The following POLA1 variants were observed in gnomAD, a reference collection of about 807,000 sequenced individuals.
POLA1 encodes the protein DNA polymerase alpha catalytic subunit.
In POLA1, 15 loss-of-function variants were observed where a neutral mutation model predicts 124.0. The observed-to-expected ratio is 0.12, with a 90% CI of 0.08 to 0.19. POLA1 has a LOEUF of 0.19. Ranked by LOEUF, POLA1 falls within the 10% of genes least tolerant of loss-of-function variation. The pLI is 1.00. For synonymous variants in POLA1, 408 were observed against 389.4 expected (o/e 1.05, Z -0.56); for missense variants, 886 against 1,103.4 (o/e 0.80, Z 2.79).
At chrX:24,980,394 A>G (rs906872312) in intron 36 of POLA1, among the ~76,000 whole-genome samples, 17 of 112,085 alleles carry the variant, frequency 1.5e-4, no homozygotes, top group Non-Finnish European at 3.2e-4. Context: ...ACAGAATTAC[A>G]CCCAGGGAAG....
chrX:24,767,887 G>A (rs1395928429), intron 26 of POLA1, among the ~76,000 whole-genome samples: 1 of 111,713 alleles, frequency 9.0e-6, no homozygotes, highest in Non-Finnish European at 1.9e-5. Context: ...GTTAGTATGG[G>A]GTTTTATGTC....
Position 24,788,382 on chromosome X carries a change from A to G in POLA1, c.2965-21516A>G, listed in dbSNP as rs767614451. On this transcript the variant is annotated intron_variant, in intron 26 of 36. Coordinates refer to ENST00000379068, the MANE Select transcript of POLA1 (RefSeq NM_001330360.2). ...AGCTTTTATTTAAATGCCATGATCCAGGATGGATTTTAGATCTTGTTGAAA... is the reference window on the plus strand; with the variant it reads ...AGCTTTTATTTAAATGCCATGATCCGGGATGGATTTTAGATCTTGTTGAAA... 2.7e-5 allele frequency: 32 copies of G among 1,176,854 alleles called. 1 individual carries two copies. In the South Asian group the frequency reaches 6.0e-4, roughly 22 times the overall value.
Position 24,733,783 on chromosome X carries a change from T to G in POLA1, c.1800T>G (p.Phe600Leu). The G allele has an allele frequency of 8.7e-7, 1 of 1,148,403 alleles. No individual in the cohort carries two copies. Among genetic ancestry groups the G allele is most frequent in the Non-Finnish European group, 1.2e-6 (1 of 844,155 alleles). The allele number at this position is 1,148,403 out of a possible 1,213,427, so 94.6% of individuals were successfully genotyped here. Residue 600 changes from phenylalanine (F) to leucine (L), a missense_variant, in exon 17 of 37, where the codon TTT becomes TTG. Around this residue, in one of 7 missense-constraint regions of POLA1, gnomAD observed 337 missense variants for 402.8 expected, o/e 0.84. Coordinates refer to ENST00000379068, the MANE Select transcript of POLA1 (RefSeq NM_001330360.2). ...TGTCTAAACCAAAGGACTGTATTTT[T>G]CCATATGCTTTCAAAGAAGTCATTG... is the stretch of plus-strand genomic sequence containing the variant. ...CVVSKPKDCI[F>L]PYAFKEVIEK...
intron 28 of POLA1, 32 bp downstream of exon 28, chrX:24,810,832 C>T: frequency 1.4e-6 from 1 of 716,985 alleles, no homozygotes; most frequent in East Asian, 3.4e-5. Context: ...ATCTGCTTTA[C>T]CTATTTTTGT....
chrX:24,810,360 T>C (rs1047522282), intron 27 of POLA1, among the ~76,000 whole-genome samples: 5 of 111,692 alleles, frequency 4.5e-5, no homozygotes, highest in African/African-American at 1.6e-4. Context: ...ACTAAGCATG[T>C]GGTACAGTGG....
intron 35 of POLA1, among the ~76,000 whole-genome samples, chrX:24,897,803 TGAG>T (rs2047227865): frequency 1.8e-5 from 2 of 112,320 alleles, no homozygotes; most frequent in African/African-American, 6.5e-5. Context: ...AGCAAAACCA[TGAG>T]GACATTTTCC....
At chrX:24,779,239 C>A (rs1290068434) in intron 26 of POLA1, among the ~76,000 whole-genome samples, 1 of 110,989 alleles carries the variant, frequency 9.0e-6, no homozygotes, top group African/African-American at 3.3e-5. Context: ...CCATCACACC[C>A]AGCTAATTTT....
At chrX:24,943,526 G>A (rs2097929972) in intron 36 of POLA1, among the ~76,000 whole-genome samples, 1 of 111,960 alleles carries the variant, frequency 8.9e-6, no homozygotes, top group Non-Finnish European at 1.9e-5. Context: ...AAAAAAAGTC[G>A]ATGCTGAAAA....
intron 36 of POLA1, among the ~76,000 whole-genome samples, chrX:24,978,293 A>G (rs973094180): frequency 1.8e-5 from 2 of 111,986 alleles, no homozygotes; most frequent in African/African-American, 6.5e-5. Flanking sequence ...TAAGAGGGAA[A>G]TGTCCACTTC....
intron 26 of POLA1, among the ~76,000 whole-genome samples, chrX:24,784,567 C>T (rs375439717): frequency 6.4e-5 from 7 of 109,883 alleles, no homozygotes; most frequent in South Asian, 4.0e-4. Flanking sequence ...ACCTGTAGTC[C>T]CAGCCACTCA....
chrX:24,788,432 T>C (rs1187532484), intron 26 of POLA1: 15 of 1,195,236 alleles, frequency 1.3e-5, no homozygotes, highest in Non-Finnish European at 1.7e-5. Context: ...GGACTGCACG[T>C]AGTCCTCAAA....
chrX:24,940,470 A>G (rs1433953617), intron 36 of POLA1, among the ~76,000 whole-genome samples: 1 of 111,561 alleles, frequency 9.0e-6, no homozygotes, highest in Non-Finnish European at 1.9e-5. Flanking sequence ...CATGGCAGAG[A>G]AGTGAGTAGA....
rs773168290 is a variant in POLA1, at chrX:24,717,015, T to C, written c.706+44T>C. The C allele has an allele frequency of 1.7e-5, 16 of 920,039 alleles. No homozygotes were observed. The African/African-American group carries it at 3.1e-4, about 18-fold the overall frequency. 75.8% of individuals were successfully genotyped at this position (920,039 alleles called of 1,213,427 possible). On this transcript the variant is annotated intron_variant, in intron 8 of 36. Coordinates refer to ENST00000379068, the MANE Select transcript of POLA1 (RefSeq NM_001330360.2). The stretch of plus-strand genomic sequence containing the variant: ...AGAATTGCAAGAGTGTTGAGTGGTT[T>C]CTGTCAAAAATGGAGGCCCTATGAT...
chrX:24,770,253 T>C (rs1210941194), intron 26 of POLA1, among the ~76,000 whole-genome samples: 1 of 111,646 alleles, frequency 9.0e-6, no homozygotes, highest in Non-Finnish European at 1.9e-5. Context: ...CCCTGGTCCC[T>C]GATTATAGTC....
At chrX:24,906,231 A>G (rs1043849094) in intron 35 of POLA1, among the ~76,000 whole-genome samples, 1 of 112,514 alleles carries the variant, frequency 8.9e-6, no homozygotes, top group South Asian at 3.7e-4. Context: ...ATAATTTGCA[A>G]TTGCAAAAAT....
At chrX:24,929,913 G>T (rs2047749851) in intron 35 of POLA1, among the ~76,000 whole-genome samples, 1 of 111,935 alleles carries the variant, frequency 8.9e-6, no homozygotes, top group African/African-American at 3.3e-5. Flanking sequence ...GTACTTCTCA[G>T]AGATCATACG....
chrX:24,850,633 A>G (rs2046544873), intron 34 of POLA1, among the ~76,000 whole-genome samples: 1 of 111,592 alleles, frequency 9.0e-6, no homozygotes, highest in Admixed American at 9.5e-5. Context: ...TGAGGTGCTG[A>G]AACTGCAGAG....
At chrX:24,953,538 A>G (rs2048071881) in intron 36 of POLA1, among the ~76,000 whole-genome samples, 1 of 112,130 alleles carries the variant, frequency 8.9e-6, no homozygotes, top group Non-Finnish European at 1.9e-5. Flanking sequence ...AGAACGTTCT[A>G]CACCAGGGGA....
At chrX:24,766,832 A>G (rs377311875) in intron 26 of POLA1, among the ~76,000 whole-genome samples, 1 of 111,981 alleles carries the variant, frequency 8.9e-6, no homozygotes, top group Non-Finnish European at 1.9e-5. Flanking sequence ...TGGTAGGTGT[A>G]GGAGATATGG....
Sources: allele counts gnomAD v4.1 joint callset (sites outside exome capture counted in the v4.1 genomes callset), GRCh38; gene constraint gnomAD v4.1.1; regional missense constraint gnomAD v4.1.1; transcripts MANE v1.5; gene names NCBI Gene and HGNC (gene_info 2026-07-23, HGNC 2026-07-21).